PHF21B: variants seen among roughly 807,000 people sequenced by gnomAD.
PHF21B encodes the protein PHD finger protein 21B, also known as PHD finger protein 4.
Under a neutral mutation model 62.2 loss-of-function variants are expected in PHF21B, and 22 were observed. That is an observed-to-expected ratio of 0.35 (90% CI 0.25 to 0.51). The LOEUF (loss-of-function observed/expected upper bound fraction) is 0.51. PHF21B is among the 20% of genes least tolerant of loss of function. PHF21B has a pLI of 0.97. For synonymous variants in PHF21B, 341 were observed against 314.7 expected (o/e 1.08, Z -0.88); for missense variants, 701 against 707.9 (o/e 0.99, Z 0.11).
At chr22:44,920,931 C>T (rs546751677) in intron 2 of PHF21B, among the ~76,000 whole-genome samples, 5 of 152,324 alleles carry the variant, frequency 3.3e-5, no homozygotes, top group Admixed American at 3.3e-4. Flanking sequence ...TGAGTTCTAG[C>T]TCCATCTTTT....
chr22:44,961,801 C>T (rs1253056271), intron 2 of PHF21B, among the ~76,000 whole-genome samples: 6 of 151,660 alleles, frequency 4.0e-5, no homozygotes, highest in Admixed American at 3.3e-4. Context: ...AGGTTGCGCG[C>T]ACCACTGCAA....
intron 2 of PHF21B, among the ~76,000 whole-genome samples, chr22:44,965,178 CT>C (rs1246407106): frequency 3.9e-5 from 6 of 152,130 alleles, no homozygotes; most frequent in Admixed American, 2.0e-4. Context: ...CCTGTGCCAC[CT>C]GTCCAGGGCA....
rs555767025 is a variant in PHF21B, at chr22:44,903,572, T to C, written c.832-7489A>G. Reference sequence around the variant, plus strand: ...CTTCTGGAAGCTCAGCCAAGTCTTTTTGCCCTGTGGGATCAACTGGCTTCA... The same window carrying C: ...CTTCTGGAAGCTCAGCCAAGTCTTTCTGCCCTGTGGGATCAACTGGCTTCA... On this transcript the variant is annotated intron_variant, in intron 5 of 12. Transcript: ENST00000313237. Among the ~76,000 whole-genome samples, 15 of 152,356 alleles carry C rather than the reference T, an allele frequency of 9.8e-5. No homozygotes were observed. The South Asian group carries it at 3.1e-3, about 32-fold the overall frequency.
At chr22:44,996,691 T>C (rs770720209) in intron 2 of PHF21B, among the ~76,000 whole-genome samples, 13 of 151,598 alleles carry the variant, frequency 8.6e-5, no homozygotes, top group Non-Finnish European at 1.8e-4. Flanking sequence ...CACACACGCA[T>C]ACATGCATAT....
At chr22:44,912,193 C>T (rs1601591583) in intron 5 of PHF21B, among the ~76,000 whole-genome samples, 1 of 152,308 alleles carries the variant, frequency 6.6e-6, no homozygotes, top group South Asian at 2.1e-4. Context: ...ATTTTACAGG[C>T]TCATAGGTGG....
intron 2 of PHF21B, among the ~76,000 whole-genome samples, chr22:44,970,159 G>A (rs567199087): frequency 2.4e-4 from 36 of 152,322 alleles, no homozygotes; most frequent in Admixed American, 1.6e-3. Context: ...CTCCTGCCTC[G>A]ATCCCAGGCC....
intron 5 of PHF21B, among the ~76,000 whole-genome samples, chr22:44,898,352 G>A (rs1004535026): frequency 2.6e-5 from 4 of 152,100 alleles, no homozygotes; most frequent in Non-Finnish European, 4.4e-5. Context: ...TCATCACATC[G>A]CAGCAAGGGC....
chr22:45,008,889 G>T (rs1411612489), intron 1 of PHF21B: 6 of 1,174,830 alleles, frequency 5.1e-6, no homozygotes, highest in Non-Finnish European at 6.3e-6. Flanking sequence ...TGCAGGCCGG[G>T]GTGCGTGTGC....
intron 2 of PHF21B, among the ~76,000 whole-genome samples, chr22:44,939,450 A>G (rs552724351): frequency 1.3e-5 from 2 of 152,352 alleles, no homozygotes; most frequent in East Asian, 1.9e-4. Context: ...AGCACTGCGC[A>G]CTGAGCAAAT....
intron 5 of PHF21B, chr22:44,902,242 G>C (rs1490465122): frequency 1.4e-5 from 3 of 218,984 alleles, no homozygotes; most frequent in African/African-American, 2.3e-5. Flanking sequence ...CCAGACACCA[G>C]AAAGGTGAGC....
intron 5 of PHF21B, among the ~76,000 whole-genome samples, chr22:44,904,043 T>C (rs191201758): frequency 0.02 from 3,112 of 152,332 alleles, 126 homozygotes; most frequent in African/African-American, 0.072. Flanking sequence ...ACATTCACTT[T>C]TTTTTTCCTC....
At chr22:44,893,563 G>A (rs1191844313) in intron 6 of PHF21B, 30 bp from the exon 7 acceptor site, 1 of 1,572,448 alleles carries the variant, frequency 6.4e-7, no homozygotes, top group South Asian at 1.2e-5. Flanking sequence ...GCAGTTACTG[G>A]GTCCTGCCTG....
At chr22:45,001,785 G>C (rs2147531216) in intron 2 of PHF21B, 1 of 152,386 alleles carries the variant, frequency 6.6e-6, no homozygotes. Flanking sequence ...TCTGGGAACA[G>C]TGATGCCTGG....
At chr22:44,938,628 G>A (rs1713379777) in intron 2 of PHF21B, among the ~76,000 whole-genome samples, 1 of 152,264 alleles carries the variant, frequency 6.6e-6, no homozygotes, top group African/African-American at 2.4e-5. Flanking sequence ...CTGGTGCACA[G>A]ACCTATGCCC....
intron 2 of PHF21B, among the ~76,000 whole-genome samples, chr22:44,960,504 G>T (rs2072396693): frequency 6.6e-6 from 1 of 152,166 alleles, no homozygotes; most frequent in African/African-American, 2.4e-5. Context: ...GGGGCCATGG[G>T]TGACCTGGGC....
intron 5 of PHF21B, among the ~76,000 whole-genome samples, chr22:44,913,237 C>T (rs2147295928): frequency 6.6e-6 from 1 of 152,334 alleles, no homozygotes; most frequent in East Asian, 1.9e-4. Context: ...CCTCTCGTGC[C>T]AGCCTGGGGC....
At chr22:44,905,711 C>G (rs1182209920) in intron 5 of PHF21B, among the ~76,000 whole-genome samples, 1 of 152,160 alleles carries the variant, frequency 6.6e-6, no homozygotes, top group Non-Finnish European at 1.5e-5. Context: ...TCACTGCAAG[C>G]TCCACCTCCC....
chr22:44,969,989 G>A (rs2072606370), intron 2 of PHF21B, among the ~76,000 whole-genome samples: 2 of 152,214 alleles, frequency 1.3e-5, no homozygotes, highest in South Asian at 4.1e-4. Context: ...ACATCCTCCA[G>A]CAGCGCAGCC....
At position 44,913,923 on chromosome 22, in the gene PHF21B, T is replaced by C; in HGVS notation, c.730A>G (p.Ser244Gly). 6.2e-7 allele frequency: 1 copy of C among 1,613,434 alleles called. No individual in the cohort carries two copies. Among genetic ancestry groups the C allele is most frequent in the Admixed American group, 1.7e-5 (1 of 59,950 alleles). The change falls in exon 5 of 13, where the codon AGC (serine) becomes GGC (glycine). Residue 244 changes from serine to glycine, a missense_variant. Coordinates refer to ENST00000313237, the MANE Select transcript of PHF21B (RefSeq NM_138415.5). The part of the protein sequence containing the change: ...IQPQVQTQPE[S>G]TAESRPPTEE... ...GTGGGCGGCCGCGACTCTGCCGTGC[T>C]CTCGGGCTGCGTCTGCACTTGAGGC...
Sources: gnomAD v4.1 joint callset for allele counts (sites outside exome capture counted in the v4.1 genomes callset) on GRCh38, gnomAD v4.1.1 for gene constraint, MANE v1.5 for transcripts, NCBI Gene and HGNC (gene_info 2026-07-23, HGNC 2026-07-21) for gene names.